Variants in CHRM3 observed in about 807,000 individuals in gnomAD.
The protein encoded by CHRM3 is cholinergic receptor muscarinic 3.
CHRM3 carries 11 observed loss-of-function variants against 41.8 expected under a neutral mutation model. The observed-to-expected ratio is 0.26, with a 90% CI of 0.17 to 0.44. CHRM3 has a LOEUF of 0.44. Ranked by LOEUF, CHRM3 falls within the 20% of genes least tolerant of loss-of-function variation. CHRM3 has a pLI of 1.00. For synonymous variants in CHRM3, 297 were observed against 301.4 expected, an observed-to-expected ratio of 0.99 and a Z score of 0.15; for missense variants, 571 against 745.4, an observed-to-expected ratio of 0.77 and a Z score of 2.72.
chr1:239,523,209 T>C (rs1317085101), intron 2 of CHRM3, among the ~76,000 whole-genome samples: 1 of 152,206 alleles, frequency 6.6e-6, no homozygotes, highest in Non-Finnish European at 1.5e-5. Context: ...ATTATATTTA[T>C]ATATGTATGG....
intron 5 of CHRM3, among the ~76,000 whole-genome samples, chr1:239,764,157 A>G (rs901454128): frequency 6.6e-6 from 1 of 151,514 alleles, no homozygotes; most frequent in Admixed American, 6.6e-5. Context: ...TCCAACTTTT[A>G]CCCCATTGTG....
intron 3 of CHRM3, chr1:239,629,627 A>C (rs1669570863): frequency 6.6e-6 from 1 of 152,224 alleles, no homozygotes; most frequent in Non-Finnish European, 1.5e-5. Context: ...GTGCACTGGG[A>C]AACCAAAAAA....
At chr1:239,694,001 A>T (rs192378935) in intron 5 of CHRM3, among the ~76,000 whole-genome samples, 1 of 152,320 alleles carries the variant, frequency 6.6e-6, no homozygotes, top group Admixed American at 6.5e-5. Flanking sequence ...CTTTTCATAT[A>T]GCAATAATTC....
chr1:239,729,697 T>A (rs1572116926), intron 5 of CHRM3, among the ~76,000 whole-genome samples: 1 of 151,840 alleles, frequency 6.6e-6, no homozygotes, highest in East Asian at 1.9e-4. Flanking sequence ...GTGACAAAAT[T>A]TGGATGATCT....
At chr1:239,604,354 C>A (rs1665983100) in intron 3 of CHRM3, among the ~76,000 whole-genome samples, 1 of 151,040 alleles carries the variant, frequency 6.6e-6, no homozygotes, top group African/African-American at 2.4e-5. Flanking sequence ...TAGAGTATTG[C>A]CGTAATATTC....
chr1:239,613,644 A>T (rs914544482), intron 3 of CHRM3, among the ~76,000 whole-genome samples: 1 of 151,344 alleles, frequency 6.6e-6, no homozygotes, highest in Non-Finnish European at 1.5e-5. Context: ...GAAGTAAAAC[A>T]AATATCTGTC....
intron 6 of CHRM3, among the ~76,000 whole-genome samples, chr1:239,884,346 T>C (rs1677891941): frequency 6.6e-6 from 1 of 151,996 alleles, no homozygotes; most frequent in African/African-American, 2.4e-5. Flanking sequence ...TAGTTATAAG[T>C]CAAGGAATGC....
intron 6 of CHRM3, among the ~76,000 whole-genome samples, chr1:239,870,572 G>T (rs1191914923): frequency 2.0e-5 from 3 of 152,094 alleles, no homozygotes; most frequent in Non-Finnish European, 2.9e-5. Context: ...TGGTTTTATT[G>T]TTCATTCCTT....
intron 5 of CHRM3, among the ~76,000 whole-genome samples, chr1:239,782,149 T>C (rs974367398): frequency 6.6e-6 from 1 of 152,156 alleles, no homozygotes; most frequent in Admixed American, 6.5e-5. Flanking sequence ...GTATTTTATC[T>C]GCTTCTATCT....
intron 4 of CHRM3, among the ~76,000 whole-genome samples, chr1:239,677,609 G>C (rs949348326): frequency 2.0e-5 from 3 of 152,174 alleles, no homozygotes; most frequent in African/African-American, 7.2e-5. Context: ...AAAAGCAAAA[G>C]AGGAAAAGAG....
At chr1:239,667,959 T>A (rs887554297) in intron 4 of CHRM3, among the ~76,000 whole-genome samples, 1 of 152,140 alleles carries the variant, frequency 6.6e-6, no homozygotes, top group Non-Finnish European at 1.5e-5. Context: ...TTGTTTTACA[T>A]TGCTTTTTGG....
At chr1:239,632,489 T>C (rs913122347) in intron 4 of CHRM3, among the ~76,000 whole-genome samples, 4 of 152,196 alleles carry the variant, frequency 2.6e-5, no homozygotes, top group Non-Finnish European at 5.9e-5. Flanking sequence ...AAAATAGAAA[T>C]AAAGGGATGT....
chr1:239,484,839 C>T (rs928681632), intron 1 of CHRM3, among the ~76,000 whole-genome samples: 3 of 152,066 alleles, frequency 2.0e-5, no homozygotes, highest in African/African-American at 7.2e-5. Context: ...TATCCTTGGG[C>T]AGCTGTGCTC....
chr1:239,792,066 T>C (rs1445439316), intron 5 of CHRM3, among the ~76,000 whole-genome samples: 1 of 152,196 alleles, frequency 6.6e-6, no homozygotes, highest in Admixed American at 6.5e-5. Flanking sequence ...TACCCTGCAG[T>C]GTGTCTCATT....
chr1:239,616,622 G>A (rs148144784), intron 3 of CHRM3, among the ~76,000 whole-genome samples: 1 of 152,222 alleles, frequency 6.6e-6, no homozygotes, highest in East Asian at 1.9e-4. Flanking sequence ...TGCCGTACCA[G>A]CAGTATTATA....
intron 3 of CHRM3, among the ~76,000 whole-genome samples, chr1:239,606,868 C>T (rs916075201): frequency 2.6e-5 from 4 of 152,114 alleles, no homozygotes; most frequent in Non-Finnish European, 2.9e-5. Context: ...CTCCTAAGGC[C>T]ATCCAAAAAC....
chr1:239,635,509 A>G (rs532472666), intron 4 of CHRM3, among the ~76,000 whole-genome samples: 1 of 152,268 alleles, frequency 6.6e-6, no homozygotes, highest in South Asian at 2.1e-4. Context: ...TGACCCTTCC[A>G]GTCAAATCTC....
At chr1:239,474,530 A>G (rs2147960952) in intron 1 of CHRM3, among the ~76,000 whole-genome samples, 1 of 152,238 alleles carries the variant, frequency 6.6e-6, no homozygotes, top group East Asian at 1.9e-4. Flanking sequence ...TCACCATGCC[A>G]CCAGCATGTG....
At chr1:239,854,127 G>T (rs1572495003) in intron 6 of CHRM3, among the ~76,000 whole-genome samples, 1 of 152,084 alleles carries the variant, frequency 6.6e-6, no homozygotes, top group East Asian at 1.9e-4. Context: ...TAAATTCATT[G>T]TTCTTTAGAA....
Sources: allele counts gnomAD v4.1 joint callset (sites outside exome capture counted in the v4.1 genomes callset), GRCh38; gene constraint gnomAD v4.1.1; transcripts MANE v1.5; gene names NCBI Gene and HGNC (gene_info 2026-07-23, HGNC 2026-07-21).